PCDHGB2: variants seen among roughly 807,000 people sequenced by gnomAD.
PCDHGB2 encodes protocadherin gamma-B2.
PCDHGB2 carries 55 observed loss-of-function variants against 59.3 expected under a neutral mutation model. The observed-to-expected ratio is 0.93, with a 90% CI of 0.75 to 1.16. The LOEUF (loss-of-function observed/expected upper bound fraction) is 1.16, where lower values mean the gene tolerates loss of function less well. Among genes scored for constraint, PCDHGB2 ranks in the 50% most tolerant of loss-of-function variants. The probability of loss-of-function intolerance (pLI) is 0.00; values close to 1 mark genes in which losing one functional copy is unlikely to be tolerated. For missense variants in PCDHGB2, 1,228 were observed against 1,198.5 expected, an observed-to-expected ratio of 1.02 and a Z score of -0.36; for synonymous variants, 516 against 512.0, an observed-to-expected ratio of 1.01 and a Z score of -0.11.
intron 1 of PCDHGB2, among the ~76,000 whole-genome samples, chr5:141,401,889 T>G (rs1259815955): frequency 3.3e-5 from 5 of 152,232 alleles, no homozygotes; most frequent in Non-Finnish European, 7.3e-5. Context: ...TATTTTGTGT[T>G]CTTTTTCCCA....
rs1012028735 is a variant in PCDHGB2 at position 141,413,666 on chromosome 5, C to T, written c.2421+51110C>T. 4 of 1,613,666 alleles carry T rather than the reference C, an allele frequency of 2.5e-6. No individual in the cohort carries two copies. In the African/African-American group the frequency reaches 5.3e-5, roughly 22 times the overall value. On this transcript the variant is annotated intron_variant, in intron 1 of 3. Coordinates refer to ENST00000522605, the MANE Select transcript of PCDHGB2 (RefSeq NM_018923.3). ...TTTCCTCTCCCGGAAGCTATTGATC[C>T]GGATGTGGGCGTGAACTCCCTGCAG... is the stretch of plus-strand genomic sequence containing the variant.
intron 1 of PCDHGB2, chr5:141,404,551 G>A (rs764332245): frequency 1.9e-5 from 31 of 1,613,748 alleles, no homozygotes; most frequent in African/African-American, 1.1e-4. Flanking sequence ...TGCAGGTGAC[G>A]GCAAGTGACA....
rs375879976 is a variant in PCDHGB2 at position 141,376,437 on chromosome 5, A to G, written c.2421+13881A>G. 2.7e-4 allele frequency: 434 copies of G among 1,614,084 alleles called. No homozygotes were observed. The highest frequency in any genetic ancestry group is 3.3e-4 in the Non-Finnish European group (388 of 1,180,040). ...GACACGCTTATCAACCAGGAGAGCT[A>G]TGAGAAAAGCGAGCCTCTTCTGATA... On this transcript the variant is annotated intron_variant, in intron 1 of 3. Coordinates refer to ENST00000522605, the MANE Select transcript of PCDHGB2 (RefSeq NM_018923.3).
chr5:141,476,062 A>G lies in PCDHGB2; in HGVS notation c.2422-18745A>G, dbSNP rs2099384587. On this transcript the variant is annotated intron_variant, in intron 1 of 3. Coordinates refer to ENST00000522605, the MANE Select transcript of PCDHGB2 (RefSeq NM_018923.3). This position sits in a 1 kb window ranked among gnomAD's most constrained non-coding sequence, Gnocchi z 7.6. ...AGCGCTAACCCGCTGAAAGTTTCTC[A>G]GCGAAATCTCAGGGACGATCTGGAC... The G allele has an allele frequency of 1.8e-5, 27 of 1,509,766 alleles. No individual in the cohort carries two copies. Among genetic ancestry groups the G allele is most frequent in the Non-Finnish European group, 2.3e-5 (26 of 1,136,920 alleles). The allele number at this position is 1,509,766 out of a possible 1,614,324, so 93.5% of individuals were successfully genotyped here.
chr5:141,437,346 T>C (rs143931647), intron 1 of PCDHGB2, among the ~76,000 whole-genome samples: 2 of 152,380 alleles, frequency 1.3e-5, no homozygotes, highest in East Asian at 3.9e-4. Flanking sequence ...CACTGTTTTA[T>C]AGTACCTAAA....
chr5:141,428,376 A>G (rs2097136159), intron 1 of PCDHGB2: 2 of 528,068 alleles, frequency 3.8e-6, no homozygotes, highest in African/African-American at 1.9e-5. Flanking sequence ...TGCACCTGCG[A>G]TGCTCTTCCA....
At chr5:141,392,893 G>A (rs1281523592) in intron 1 of PCDHGB2, 10 of 1,613,662 alleles carry the variant, frequency 6.2e-6, no homozygotes, top group African/African-American at 2.7e-5. Flanking sequence ...TGGGAAATCG[G>A]GAGGGGACAG....
At chr5:141,395,410 AT>A (rs1180706569) in intron 1 of PCDHGB2, 2 of 801,646 alleles carry the variant, frequency 2.5e-6, no homozygotes, top group African/African-American at 3.5e-5. Flanking sequence ...GTCATAGGTT[AT>A]TGTTTCATTT....
At position 141,371,633 on chromosome 5, in the gene PCDHGB2, G is replaced by A. The variant is rs771305412; in HGVS notation, c.2421+9077G>A. 7 of 1,614,040 alleles carry A rather than the reference G, an allele frequency of 4.3e-6. No homozygotes were observed. In the Admixed American group the frequency reaches 1.2e-4, roughly 27 times the overall value. ...TGACAGATGGAGCCCTGGACCGGGAGCAGATCCCAGAATACAATGTGACGA... is the reference window on the plus strand; with the variant it reads ...TGACAGATGGAGCCCTGGACCGGGAACAGATCCCAGAATACAATGTGACGA... On this transcript the variant is annotated intron_variant, in intron 1 of 3. Coordinates refer to ENST00000522605, the MANE Select transcript of PCDHGB2 (RefSeq NM_018923.3).
chr5:141,389,457 G>A, intron 1 of PCDHGB2: 1 of 1,613,220 alleles, frequency 6.2e-7, no homozygotes, highest in Non-Finnish European at 8.5e-7. Context: ...GCAGCTGCGC[G>A]CCTTCGAACT....
intron 1 of PCDHGB2, among the ~76,000 whole-genome samples, chr5:141,460,709 A>G (rs2098995845): frequency 6.6e-6 from 1 of 151,794 alleles, no homozygotes; most frequent in Non-Finnish European, 1.5e-5. Flanking sequence ...ATGAGAATAA[A>G]CTATTGTTAT....
intron 1 of PCDHGB2, chr5:141,387,800 T>G: frequency 4.6e-6 from 7 of 1,509,374 alleles, no homozygotes; most frequent in Non-Finnish European, 6.2e-6. Context: ...TAAAGTCCGT[T>G]CGGAGATCCA....
At chr5:141,380,816 A>C (rs546532723) in intron 1 of PCDHGB2, among the ~76,000 whole-genome samples, 1 of 152,374 alleles carries the variant, frequency 6.6e-6, no homozygotes, top group East Asian at 1.9e-4. Flanking sequence ...AGATGAAACT[A>C]TGAATTTTGA....
At chr5:141,414,300 G>T in intron 1 of PCDHGB2, 7 of 1,613,560 alleles carry the variant, frequency 4.3e-6, no homozygotes, top group Non-Finnish European at 5.9e-6. Context: ...TTTTAAATGT[G>T]CATGATTTAG....
rs1561728654 is a variant in PCDHGB2, at chr5:141,410,479, G to C, written c.2421+47923G>C. 3.7e-6 allele frequency: 6 copies of C among 1,613,838 alleles called. No homozygotes were observed. In the African/African-American group the frequency reaches 8.0e-5, roughly 22 times the overall value. ...CTTATAATCTGTGCATTGCACATAC[G>C]GGTACAAAAGAGTTTAATTTCCTAA... On this transcript the variant is annotated intron_variant, in intron 1 of 3. Coordinates refer to ENST00000522605, the MANE Select transcript of PCDHGB2 (RefSeq NM_018923.3).
chr5:141,373,528 A>C lies in PCDHGB2; in HGVS notation c.2421+10972A>C, dbSNP rs186719526. Among the ~76,000 whole-genome samples, 616 of 152,300 alleles carry C rather than the reference A, an allele frequency of 4.0e-3. 6 individuals are homozygous for C. The highest frequency in any genetic ancestry group is 0.011 in the Admixed American group (171 of 15,302). On this transcript the variant is annotated intron_variant, in intron 1 of 3. Transcript: ENST00000522605. ...ACAGAGCGAGACTTTGTCTCCAAAA[A>C]AGTGTTTGTGGTTGTTGGTACCCTT...
chr5:141,385,190 G>A (rs899564761), intron 1 of PCDHGB2: 5 of 1,614,048 alleles, frequency 3.1e-6, no homozygotes, highest in African/African-American at 1.3e-5. Context: ...GCGGACTCTC[G>A]GAAGAGTCAC....
At chr5:141,504,517 T>C (rs1057166865) in intron 2 of PCDHGB2, among the ~76,000 whole-genome samples, 5 of 151,918 alleles carry the variant, frequency 3.3e-5, no homozygotes, top group African/African-American at 1.2e-4. Context: ...TCTCCTCTGA[T>C]ATATTTTATT....
chr5:141,370,428 G>T (rs1480841045), intron 1 of PCDHGB2: 2 of 1,598,192 alleles, frequency 1.3e-6, no homozygotes, highest in Non-Finnish European at 1.7e-6. Context: ...GGGCCCAGCA[G>T]GGCAGAGGCG....
Sources: gnomAD v4.1 joint callset for allele counts (sites outside exome capture counted in the v4.1 genomes callset) on GRCh38, gnomAD v4.1.1 for gene constraint, Gnocchi (gnomAD v3.1) non-coding constraint, MANE v1.5 for transcripts, NCBI Gene and HGNC (gene_info 2026-07-23, HGNC 2026-07-21) for gene names.